Variants in CDH20 observed in about 807,000 individuals in gnomAD.
CDH20 encodes cadherin-20.
A neutral mutation model predicts 74.2 loss-of-function variants in CDH20; 29 were observed. The ratio of observed to expected loss-of-function variants is 0.39; its 90% CI spans 0.29 to 0.53. The LOEUF is 0.53. Among genes scored for constraint, CDH20 ranks in the 20% least tolerant of loss-of-function variants. The probability of loss-of-function intolerance (pLI) is 0.69; values close to 1 mark genes in which losing one functional copy is unlikely to be tolerated. For missense variants in CDH20, 988 were observed against 1,048.3 expected (o/e 0.94, Z 0.79); for synonymous variants, 469 against 405.4 (o/e 1.16, Z -1.88).
chr18:61,431,189 C>G (rs1256188289), intron 1 of CDH20, among the ~76,000 whole-genome samples: 11 of 152,134 alleles, frequency 7.2e-5, no homozygotes, highest in African/African-American at 2.7e-4. Flanking sequence ...AGTGAGAAAT[C>G]TCTCTGTAAC....
At chr18:61,392,489 T>C (rs569437532) in intron 1 of CDH20, among the ~76,000 whole-genome samples, 22 of 152,274 alleles carry the variant, frequency 1.4e-4, no homozygotes, top group African/African-American at 5.1e-4. Context: ...GGACAGGCTG[T>C]AGTCTCACAG....
At chr18:61,408,523 C>T (rs147338248) in intron 1 of CDH20, among the ~76,000 whole-genome samples, 147 of 152,226 alleles carry the variant, frequency 9.7e-4, no homozygotes, top group Non-Finnish European at 1.5e-3. Context: ...TTATAATGAA[C>T]GATATATGAT....
Position 61,471,532 on chromosome 18 carries a change from A to C in CDH20, c.-152-18870A>C, listed in dbSNP as rs540615094. Among the ~76,000 whole-genome samples the C allele has an allele frequency of 2.0e-5, 3 of 152,362 alleles. No homozygotes were observed. The South Asian group carries it at 6.2e-4, about 32-fold the overall frequency. On this transcript the variant is annotated intron_variant, in intron 1 of 11. Transcript: ENST00000262717. Reference sequence around the variant, plus strand: ...GGGGGGAAATTACAGATTCAATAGCAACATGCATTTTTTCCATTATGAAGA... The same window carrying C: ...GGGGGGAAATTACAGATTCAATAGCCACATGCATTTTTTCCATTATGAAGA...
chr18:61,533,092 C>T (rs979526790), intron 7 of CDH20, among the ~76,000 whole-genome samples: 2 of 152,022 alleles, frequency 1.3e-5, no homozygotes, highest in Non-Finnish European at 2.9e-5. Flanking sequence ...GAGTTTGAGG[C>T]CAGCCTGGGC....
chr18:61,520,917 TA>T lies in CDH20; in HGVS notation c.1018-7047del, dbSNP rs1476135510. ...CATACCAGAATCTCTGGGACACCGC[TA>T]AAGCAGTGTTTACAGGGAAATTTAT... is the stretch of plus-strand genomic sequence containing the variant. On this transcript the variant is annotated intron_variant, in intron 6 of 11. Transcript: ENST00000262717. 4.0e-5 allele frequency among the ~76,000 whole-genome samples: 6 copies of T among 151,220 alleles called. 1 individual carries two copies. Among genetic ancestry groups the T allele is most frequent in the African/African-American group, 1.5e-4 (6 of 40,720 alleles).
intron 1 of CDH20, among the ~76,000 whole-genome samples, chr18:61,488,146 G>A (rs1407288876): frequency 1.3e-5 from 2 of 151,742 alleles, no homozygotes; most frequent in African/African-American, 2.4e-5. Flanking sequence ...AACGCAATCC[G>A]CAAAATAATT....
At chr18:61,367,995 C>T (rs911819967) in intron 1 of CDH20, among the ~76,000 whole-genome samples, 1 of 152,050 alleles carries the variant, frequency 6.6e-6, no homozygotes, top group Non-Finnish European at 1.5e-5. Flanking sequence ...ACTCTGATGA[C>T]CTCATTTTAA....
intron 1 of CDH20, among the ~76,000 whole-genome samples, chr18:61,475,079 G>A (rs1301236911): frequency 6.6e-6 from 1 of 152,134 alleles, no homozygotes; most frequent in Non-Finnish European, 1.5e-5. Flanking sequence ...CGTTTAGCAG[G>A]TGAGTGGTCC....
At chr18:61,545,190 G>A in intron 10 of CDH20, 46 bp downstream of exon 10, 1 of 1,236,162 alleles carries the variant, frequency 8.1e-7, no homozygotes, top group Non-Finnish European at 1.2e-6. Flanking sequence ...TACAGCATAG[G>A]CCAGCTACTT....
At chr18:61,374,145 G>A (rs911586504) in intron 1 of CDH20, among the ~76,000 whole-genome samples, 1 of 152,056 alleles carries the variant, frequency 6.6e-6, no homozygotes, top group South Asian at 2.1e-4. Context: ...GAAGGGGAAA[G>A]ATTTTTCACC....
chr18:61,352,817 T>C (rs1316776844), intron 1 of CDH20, among the ~76,000 whole-genome samples: 2 of 152,322 alleles, frequency 1.3e-5, no homozygotes, highest in East Asian at 1.9e-4. Flanking sequence ...CACAAAATCC[T>C]TGGGTGGCCA....
chr18:61,543,863 T>C (rs1005266527), intron 9 of CDH20, among the ~76,000 whole-genome samples: 7 of 152,186 alleles, frequency 4.6e-5, no homozygotes, highest in Non-Finnish European at 7.3e-5. Flanking sequence ...CCCTGAAATA[T>C]TGGGCCAGTG....
intron 1 of CDH20, among the ~76,000 whole-genome samples, chr18:61,448,538 G>GT (rs1317546040): frequency 6.6e-6 from 1 of 152,198 alleles, no homozygotes; most frequent in Non-Finnish European, 1.5e-5. Flanking sequence ...GCAGGAGGAA[G>GT]TTAAACTAGT....
At chr18:61,485,605 A>T (rs1048289357) in intron 1 of CDH20, among the ~76,000 whole-genome samples, 4 of 152,146 alleles carry the variant, frequency 2.6e-5, no homozygotes, top group African/African-American at 9.7e-5. Context: ...TATCACTTTT[A>T]CTTATAGAAA....
intron 3 of CDH20, 60 bp downstream of exon 3, chr18:61,499,540 ACACATATGCACATG>A: frequency 8.0e-7 from 1 of 1,256,268 alleles, no homozygotes; most frequent in Non-Finnish European, 1.1e-6. Flanking sequence ...ACACACACAC[ACACATATGCACATG>A]CACACACACA....
chr18:61,508,506 C>T (rs1031121481), intron 6 of CDH20, among the ~76,000 whole-genome samples: 1 of 116,956 alleles, frequency 8.6e-6, no homozygotes, highest in Non-Finnish European at 1.7e-5. Context: ...TGGCTAAATG[C>T]CCATCAATCA....
intron 1 of CDH20, among the ~76,000 whole-genome samples, chr18:61,376,426 T>C (rs1456544874): frequency 6.6e-6 from 1 of 152,282 alleles, no homozygotes; most frequent in South Asian, 2.1e-4. Context: ...CTAAGAGAGA[T>C]TTCTAGCATT....
intron 1 of CDH20, among the ~76,000 whole-genome samples, chr18:61,479,470 C>T (rs553030791): frequency 1.1e-3 from 160 of 152,290 alleles, no homozygotes; most frequent in African/African-American, 3.5e-3. Context: ...TCCCCTCCTT[C>T]GCCCTTCAAC....
Position 61,344,069 on chromosome 18 carries a change from G to C in CDH20, c.-153+10242G>C, listed in dbSNP as rs760845104. 8.0e-4 allele frequency among the ~76,000 whole-genome samples: 122 copies of C among 152,286 alleles called. 1 individual carries two copies. Among genetic ancestry groups the C allele is most frequent in the Non-Finnish European group, 1.5e-3 (100 of 68,026 alleles). On this transcript the variant is annotated intron_variant, in intron 1 of 11. Transcript: ENST00000262717. ...TGGTGCATGTGAACTCTTTCTTAGA[G>C]GCTATTGGTTGACCTTGTAAACTAC...
Sources: allele counts gnomAD v4.1 joint callset (sites outside exome capture counted in the v4.1 genomes callset), GRCh38; gene constraint gnomAD v4.1.1; transcripts MANE v1.5; gene names NCBI Gene and HGNC (gene_info 2026-07-23, HGNC 2026-07-21).